The following CNTN4 variants were observed in gnomAD, a reference collection of about 807,000 sequenced individuals.
CNTN4 encodes contactin-4.
CNTN4 carries 77 observed loss-of-function variants against 122.5 expected under a neutral mutation model. That is an observed-to-expected ratio of 0.63 (90% CI 0.52 to 0.76). CNTN4 has a LOEUF of 0.76. CNTN4 is among the 30% of genes least tolerant of loss of function. The probability of loss-of-function intolerance (pLI) is 0.00; values close to 1 mark genes in which losing one functional copy is unlikely to be tolerated. For synonymous variants in CNTN4, 512 were observed against 447.0 expected (o/e 1.15, Z -1.83); for missense variants, 1,256 against 1,259.1 (o/e 1.00, Z 0.04).
intron 23 of CNTN4, among the ~76,000 whole-genome samples, chr3:3,047,202 A>G (rs1222416836): frequency 1.3e-5 from 2 of 152,066 alleles, no homozygotes; most frequent in African/African-American, 2.4e-5. Flanking sequence ...CCCACTGTCA[A>G]CATCAGACAG....
intron 13 of CNTN4, among the ~76,000 whole-genome samples, chr3:2,959,833 A>G (rs1033782452): frequency 1.3e-5 from 2 of 152,198 alleles, no homozygotes; most frequent in African/African-American, 2.4e-5. Context: ...GAGGAAATTT[A>G]TAAGAAAATG....
intron 24 of CNTN4, among the ~76,000 whole-genome samples, chr3:3,055,068 C>G (rs945208945): frequency 6.6e-6 from 1 of 152,128 alleles, no homozygotes; most frequent in Non-Finnish European, 1.5e-5. Flanking sequence ...GGTGATATGC[C>G]AGTGTTTCTG....
At chr3:3,037,488 C>A in intron 18 of CNTN4, 160 bp downstream of exon 18, 1 of 964,468 alleles carries the variant, frequency 1.0e-6, no homozygotes, top group Non-Finnish European at 1.6e-6. Flanking sequence ...AGGAGAAGCC[C>A]AGCTGAACAC....
intron 2 of CNTN4, among the ~76,000 whole-genome samples, chr3:2,170,316 T>C (rs910003045): frequency 6.6e-6 from 1 of 151,606 alleles, no homozygotes; most frequent in Non-Finnish European, 1.5e-5. Context: ...CAAGACTCCG[T>C]CTCAAAACAA....
At chr3:2,914,657 A>C (rs2094335468) in intron 12 of CNTN4, among the ~76,000 whole-genome samples, 1 of 152,260 alleles carries the variant, frequency 6.6e-6, no homozygotes. Context: ...CTTCCCAATA[A>C]AGAAAATCCC....
chr3:2,544,633 C>T (rs2078170316), intron 3 of CNTN4, among the ~76,000 whole-genome samples: 1 of 152,000 alleles, frequency 6.6e-6, no homozygotes, highest in Non-Finnish European at 1.5e-5. Flanking sequence ...TCCATTTCTT[C>T]TAGATTTTCT....
At chr3:2,515,615 C>G (rs1037827222) in intron 3 of CNTN4, among the ~76,000 whole-genome samples, 3 of 151,920 alleles carry the variant, frequency 2.0e-5, no homozygotes, top group African/African-American at 7.3e-5. Context: ...TAATGATACA[C>G]TTCTTGTAAT....
intron 3 of CNTN4, among the ~76,000 whole-genome samples, chr3:2,367,154 A>G (rs2150601361): frequency 6.6e-6 from 1 of 152,308 alleles, no homozygotes; most frequent in Middle Eastern, 3.4e-3. Context: ...AGCATAAACA[A>G]CAAAATGAAT....
At chr3:3,013,914 T>C (rs1462717011) in intron 14 of CNTN4, among the ~76,000 whole-genome samples, 1 of 152,158 alleles carries the variant, frequency 6.6e-6, no homozygotes, top group African/African-American at 2.4e-5. Context: ...CTATTTGTTA[T>C]AACCTAGGCT....
chr3:2,321,844 T>G lies in CNTN4; in HGVS notation c.-144-17334T>G, dbSNP rs552952091. Among the ~76,000 whole-genome samples, 67 of 152,256 alleles carry G rather than the reference T, an allele frequency of 4.4e-4. 1 individual carries two copies. In the South Asian group the frequency reaches 0.014, roughly 32 times the overall value. ...AAGGAGTCATATTTAGTGACATGAT[T>G]TGACCTTCATTTTTACTTAACCTTT... On this transcript the variant is annotated intron_variant, in intron 2 of 24. Coordinates refer to ENST00000418658, the MANE Select transcript of CNTN4 (RefSeq NM_175607.3).
intron 3 of CNTN4, among the ~76,000 whole-genome samples, chr3:2,470,271 T>C (rs900107908): frequency 6.6e-6 from 1 of 152,092 alleles, no homozygotes; most frequent in Non-Finnish European, 1.5e-5. Context: ...AGAGACGGGG[T>C]TTCACCGTGT....
At chr3:2,501,471 TGA>T (rs1194026756) in intron 3 of CNTN4, among the ~76,000 whole-genome samples, 1 of 152,208 alleles carries the variant, frequency 6.6e-6, no homozygotes, top group East Asian at 1.9e-4. Context: ...CCTATAGGGC[TGA>T]GTTCCTTCAG....
intron 2 of CNTN4, among the ~76,000 whole-genome samples, chr3:2,128,180 G>A (rs1429667672): frequency 6.6e-6 from 1 of 152,128 alleles, no homozygotes; most frequent in Non-Finnish European, 1.5e-5. Flanking sequence ...TTAACCGTCT[G>A]CCAGTTTCTT....
chr3:2,963,556 C>G (rs1367438408), intron 13 of CNTN4, among the ~76,000 whole-genome samples: 1 of 152,138 alleles, frequency 6.6e-6, no homozygotes, highest in Non-Finnish European at 1.5e-5. Flanking sequence ...TTGATGTTCT[C>G]TCTCATTCCC....
intron 4 of CNTN4, among the ~76,000 whole-genome samples, chr3:2,730,284 C>T (rs1284899683): frequency 6.6e-6 from 1 of 152,122 alleles, no homozygotes; most frequent in East Asian, 1.9e-4. Context: ...TAATTTTGTG[C>T]ATGAAACAAA....
At chr3:2,276,817 G>T (rs923618785) in intron 2 of CNTN4, among the ~76,000 whole-genome samples, 1 of 152,146 alleles carries the variant, frequency 6.6e-6, no homozygotes. Context: ...TCAGGAGGCT[G>T]AGGCAAGATA....
chr3:3,054,697 G>A (rs1448351405), intron 24 of CNTN4, among the ~76,000 whole-genome samples: 1 of 152,232 alleles, frequency 6.6e-6, no homozygotes, highest in African/African-American at 2.4e-5. Context: ...TGGCTGGTCA[G>A]TGGGGAATGG....
At chr3:2,197,844 G>A (rs563793673) in intron 2 of CNTN4, among the ~76,000 whole-genome samples, 1 of 151,952 alleles carries the variant, frequency 6.6e-6, no homozygotes, top group Non-Finnish European at 1.5e-5. Context: ...GTGAAACCCC[G>A]TCTCTATTAA....
In CNTN4 at chr3:2,819,476, C is replaced by G. The variant is rs2092814875; in HGVS notation, c.359-10C>G. 5 of 1,605,028 alleles carry G rather than the reference C, an allele frequency of 3.1e-6. No individual in the cohort carries two copies. Among genetic ancestry groups the G allele is most frequent in the Admixed American group, 3.3e-5 (2 of 60,000 alleles). The stretch of plus-strand genomic sequence containing the variant: ...AGTTTAAATGCTTTTTCCCATATTT[C>G]TCCCAACAGATCTTGACAACTTTAA... On this transcript the variant is annotated splice_polypyrimidine_tract_variant and intron_variant, in intron 6 of 24. Transcript: ENST00000418658.
Sources: allele counts gnomAD v4.1 joint callset (sites outside exome capture counted in the v4.1 genomes callset), GRCh38; gene constraint gnomAD v4.1.1; transcripts MANE v1.5; gene names NCBI Gene and HGNC (gene_info 2026-07-23, HGNC 2026-07-21).